Variants in AFF3 observed in about 807,000 individuals in gnomAD.
AFF3 encodes the protein AF4/FMR2 family member 3.
Under a neutral mutation model 129.7 loss-of-function variants are expected in AFF3, and 32 were observed. The observed-to-expected ratio is 0.25, with a 90% CI of 0.19 to 0.33. The LOEUF (loss-of-function observed/expected upper bound fraction) is 0.33, where lower values mean the gene tolerates loss of function less well. Ranked by LOEUF, AFF3 falls within the 10% of genes least tolerant of loss-of-function variation. The pLI, the probability that AFF3 is intolerant of heterozygous loss-of-function variation, is 1.00. For synonymous variants in AFF3, 644 were observed against 635.4 expected (o/e 1.01, Z -0.20); for missense variants, 1,373 against 1,592.0 (o/e 0.86, Z 2.34).
At chr2:100,036,975 C>A (rs1272008006) in intron 4 of AFF3, among the ~76,000 whole-genome samples, 1 of 152,162 alleles carries the variant, frequency 6.6e-6, no homozygotes, top group Non-Finnish European at 1.5e-5. Flanking sequence ...CTCATGCGCT[C>A]CTGGTGACAG....
chr2:99,769,872 G>A (rs4395293), intron 8 of AFF3, among the ~76,000 whole-genome samples: 8,774 of 152,224 alleles, frequency 0.058, 856 homozygotes, highest in African/African-American at 0.2. Flanking sequence ...CCTGTGCTGA[G>A]CAGCCTGGGG....
chr2:99,669,482 T>C (rs1336162092), intron 12 of AFF3, among the ~76,000 whole-genome samples: 2 of 152,146 alleles, frequency 1.3e-5, no homozygotes, highest in African/African-American at 4.8e-5. Context: ...TGCCGAATAA[T>C]TCCATTGATA....
intron 12 of AFF3, among the ~76,000 whole-genome samples, chr2:99,663,992 T>A (rs1558717720): frequency 1.3e-5 from 2 of 152,210 alleles, no homozygotes; most frequent in Admixed American, 6.5e-5. Flanking sequence ...GAGCTCATCT[T>A]TTTGCCAAAT....
chr2:99,930,941 G>A (rs1696632525), intron 7 of AFF3, among the ~76,000 whole-genome samples: 1 of 152,160 alleles, frequency 6.6e-6, no homozygotes, highest in Non-Finnish European at 1.5e-5. Flanking sequence ...ACATCCGGGA[G>A]CAACTCAGTA....
At chr2:99,854,367 T>A (rs1690371608) in intron 7 of AFF3, among the ~76,000 whole-genome samples, 2 of 152,190 alleles carry the variant, frequency 1.3e-5, no homozygotes, top group South Asian at 2.1e-4. Context: ...TCACTTGGCA[T>A]TCCTCTGTCT....
chr2:99,858,934 G>A (rs989296775), intron 7 of AFF3, among the ~76,000 whole-genome samples: 1 of 152,172 alleles, frequency 6.6e-6, no homozygotes, highest in African/African-American at 2.4e-5. Context: ...GTTGTTCTAA[G>A]CCCCAGAATT....
At chr2:99,919,225 T>C (rs1257203430) in intron 7 of AFF3, among the ~76,000 whole-genome samples, 2 of 152,214 alleles carry the variant, frequency 1.3e-5, no homozygotes, top group Admixed American at 6.5e-5. Context: ...AAACTATTAA[T>C]GTTTATCTCT....
At chr2:99,828,326 T>C (rs1688256750) in intron 8 of AFF3, among the ~76,000 whole-genome samples, 1 of 152,084 alleles carries the variant, frequency 6.6e-6, no homozygotes, top group Admixed American at 6.5e-5. Flanking sequence ...AGAGCATAGT[T>C]TGGTTACTGT....
At chr2:99,810,258 G>C (rs749169625) in intron 8 of AFF3, among the ~76,000 whole-genome samples, 2 of 152,206 alleles carry the variant, frequency 1.3e-5, no homozygotes, top group Admixed American at 6.5e-5. Context: ...TATAGGCAAA[G>C]ACAACTTGAT....
chr2:99,615,272 C>G (rs1455594889), intron 13 of AFF3, among the ~76,000 whole-genome samples: 1 of 152,200 alleles, frequency 6.6e-6, no homozygotes, highest in African/African-American at 2.4e-5. Context: ...CTGTAAAAGG[C>G]TTCTCTGAAA....
intron 8 of AFF3, among the ~76,000 whole-genome samples, chr2:99,758,005 G>A (rs540075213): frequency 2.0e-5 from 3 of 152,216 alleles, no homozygotes; most frequent in Admixed American, 2.0e-4. Flanking sequence ...TGTATTTTTT[G>A]TCTGGTGGCC....
intron 7 of AFF3, among the ~76,000 whole-genome samples, chr2:99,889,239 A>G (rs1007104310): frequency 6.6e-6 from 1 of 152,120 alleles, no homozygotes; most frequent in South Asian, 2.1e-4. Context: ...TCCTGGGACC[A>G]AGCAATCCTT....
intron 7 of AFF3, among the ~76,000 whole-genome samples, chr2:99,854,833 A>G (rs1690405617): frequency 6.6e-6 from 1 of 152,328 alleles, no homozygotes; most frequent in East Asian, 1.9e-4. Context: ...TAAGAAATAG[A>G]TCTGCATATA....
At chr2:99,682,939 T>TG (rs2104569248) in intron 11 of AFF3, among the ~76,000 whole-genome samples, 1 of 152,372 alleles carries the variant, frequency 6.6e-6, no homozygotes, top group East Asian at 1.9e-4. Flanking sequence ...CATCTGAGAT[T>TG]ACTGTTAGCA....
chr2:99,857,627 C>T (rs1474400684), intron 7 of AFF3, among the ~76,000 whole-genome samples: 2 of 152,182 alleles, frequency 1.3e-5, no homozygotes, highest in Non-Finnish European at 2.9e-5. Flanking sequence ...CATACACACA[C>T]AAATCCCAGC....
intron 8 of AFF3, among the ~76,000 whole-genome samples, chr2:99,771,645 C>CA (rs770335444): frequency 1.3e-5 from 2 of 152,276 alleles, no homozygotes; most frequent in Non-Finnish European, 2.9e-5. Flanking sequence ...TCAAAGCTCT[C>CA]AGAGACAAAA....
At chr2:100,113,289 G>T (rs1036421343) in intron 2 of AFF3, among the ~76,000 whole-genome samples, 1 of 152,190 alleles carries the variant, frequency 6.6e-6, no homozygotes, top group African/African-American at 2.4e-5. Context: ...AGGCCAAAAA[G>T]CCCACTGTCT....
intron 12 of AFF3, among the ~76,000 whole-genome samples, chr2:99,661,157 T>C (rs976476046): frequency 1.1e-4 from 17 of 152,164 alleles, no homozygotes; most frequent in African/African-American, 3.9e-4. Context: ...AAAAAAACCA[T>C]TGAAGTCATG....
rs148330691 is a variant in AFF3 at position 99,654,283 on chromosome 2, A to C, written c.1144-4617T>G. ...AAAACTCACCATCTATTATGAAAGA[A>C]GAGGAGTATATGTCAGATGTTTTAA... On this transcript the variant is annotated intron_variant, in intron 12 of 24. Transcript: ENST00000672756. Among the ~76,000 whole-genome samples the C allele has an allele frequency of 5.7e-3, 867 of 152,328 alleles. 6 individuals carry two copies. The highest frequency in any genetic ancestry group is 0.02 in the African/African-American group (823 of 41,570).
Sources: allele counts gnomAD v4.1 joint callset (sites outside exome capture counted in the v4.1 genomes callset), GRCh38; gene constraint gnomAD v4.1.1; transcripts MANE v1.5; gene names NCBI Gene and HGNC (gene_info 2026-07-23, HGNC 2026-07-21).